ANO3: variants seen among roughly 807,000 people sequenced by gnomAD.
ANO3 encodes anoctamin-3.
In ANO3, 99 loss-of-function variants were observed where a neutral mutation model predicts 144.8. The ratio of observed to expected loss-of-function variants is 0.68; its 90% CI spans 0.58 to 0.81. The LOEUF (loss-of-function observed/expected upper bound fraction) is 0.81, where lower values mean the gene tolerates loss of function less well. Among genes scored for constraint, ANO3 ranks in the 30% least tolerant of loss-of-function variants. The probability of loss-of-function intolerance (pLI) is 0.00; values close to 1 mark genes in which losing one functional copy is unlikely to be tolerated. For synonymous variants in ANO3, 414 were observed against 392.6 expected (o/e 1.05, Z -0.64); for missense variants, 905 against 1,202.2 (o/e 0.75, Z 3.66).
At chr11:26,279,195 T>C (rs750989592) in intron 1 of ANO3, among the ~76,000 whole-genome samples, 9 of 152,102 alleles carry the variant, frequency 5.9e-5, no homozygotes, top group Non-Finnish European at 1.2e-4. Flanking sequence ...TCTCAACTAG[T>C]TCCCTTCAAG....
At chr11:26,434,812 T>C (rs1858237891) in intron 1 of ANO3, among the ~76,000 whole-genome samples, 1 of 152,198 alleles carries the variant, frequency 6.6e-6, no homozygotes, top group Non-Finnish European at 1.5e-5. Flanking sequence ...TTTTGGTTCT[T>C]ATGCATTTGC....
In ANO3 at chr11:26,525,675, G is replaced by A. The variant is rs771596676; in HGVS notation, c.733G>A (p.Gly245Ser). 2.1e-5 allele frequency: 34 copies of A among 1,608,600 alleles called. No individual in the cohort carries two copies. The highest frequency in any genetic ancestry group is 2.6e-5 in the Non-Finnish European group (31 of 1,177,670). The change falls in exon 7 of 27, where the codon GGC (glycine) becomes AGC (serine). Residue 245 changes from glycine to serine, a missense_variant. Gly to Ser is a moderately conservative substitution (Grantham distance 56). This residue lies in a region of ANO3 where 71 missense variants were observed against 57.9 expected (regional missense o/e 1.23). Coordinates refer to ENST00000256737, the MANE Select transcript of ANO3 (RefSeq NM_031418.4). ...CACTGACGGGAGGAGCAAATCAATG[G>A]GCAGGTTGGTGGGTGATGAATCATT... ...YYTDGRSKSM[G>S]RMQTYFRRIK...
chr11:26,194,649 G>C (rs1393182773), intron 1 of ANO3, among the ~76,000 whole-genome samples: 1 of 151,744 alleles, frequency 6.6e-6, no homozygotes, highest in Non-Finnish European at 1.5e-5. Flanking sequence ...TATAGCCATG[G>C]GCCACTACGC....
At chr11:26,650,529 T>C (rs1175549001) in intron 24 of ANO3, among the ~76,000 whole-genome samples, 1 of 152,198 alleles carries the variant, frequency 6.6e-6, no homozygotes, top group Non-Finnish European at 1.5e-5. Context: ...GATCCAAAAA[T>C]ATTGGTGAAT....
intron 1 of ANO3, among the ~76,000 whole-genome samples, chr11:26,407,073 T>TATATATATAC (rs1857305817): frequency 7.6e-6 from 1 of 131,362 alleles, no homozygotes; most frequent in African/African-American, 2.7e-5. Flanking sequence ...TGTGTGTGTG[T>TATATATATAC]GTGTATATAT....
At chr11:26,322,471 T>C (rs1427997263) in intron 1 of ANO3, among the ~76,000 whole-genome samples, 1 of 152,154 alleles carries the variant, frequency 6.6e-6, no homozygotes, top group Non-Finnish European at 1.5e-5. Context: ...TTACATGCAG[T>C]TGTCATGTCT....
At chr11:26,579,728 T>C (rs1851080739) in intron 14 of ANO3, among the ~76,000 whole-genome samples, 1 of 152,106 alleles carries the variant, frequency 6.6e-6, no homozygotes, top group Non-Finnish European at 1.5e-5. Flanking sequence ...CGTGGATCTT[T>C]TTTTTCATGA....
chr11:26,387,961 T>C (rs897255720), intron 1 of ANO3, among the ~76,000 whole-genome samples: 1 of 152,102 alleles, frequency 6.6e-6, no homozygotes, highest in Non-Finnish European at 1.5e-5. Context: ...TTCATTTGCT[T>C]ACCACTCACT....
At chr11:26,247,767 C>T (rs778036818) in intron 1 of ANO3, among the ~76,000 whole-genome samples, 2 of 120,806 alleles carry the variant, frequency 1.7e-5, no homozygotes, top group African/African-American at 3.1e-5. Flanking sequence ...CTCACACTGT[C>T]GTCCAGGCTG....
chr11:26,210,371 G>C (rs1242610173), intron 1 of ANO3, among the ~76,000 whole-genome samples: 1 of 152,184 alleles, frequency 6.6e-6, no homozygotes, highest in Non-Finnish European at 1.5e-5. Context: ...GTACCATCCT[G>C]TTTTGGTTAC....
At chr11:26,503,240 C>G (rs186566771) in intron 4 of ANO3, among the ~76,000 whole-genome samples, 18 of 152,152 alleles carry the variant, frequency 1.2e-4, no homozygotes, top group Admixed American at 1.1e-3. Context: ...ATCAAATGCA[C>G]TCCACATTGT....
chr11:26,621,610 C>T (rs1052465844), intron 17 of ANO3, among the ~76,000 whole-genome samples: 1 of 152,140 alleles, frequency 6.6e-6, no homozygotes, highest in African/African-American at 2.4e-5. Flanking sequence ...TATTTTCCCT[C>T]AGAGCACTTT....
chr11:26,284,650 A>C (rs1344109987), intron 1 of ANO3, among the ~76,000 whole-genome samples: 1 of 152,134 alleles, frequency 6.6e-6, no homozygotes, highest in Non-Finnish European at 1.5e-5. Context: ...CTGTAATCCC[A>C]GCAATTTGGG....
At chr11:26,232,450 A>G (rs974738386) in intron 1 of ANO3, among the ~76,000 whole-genome samples, 4 of 152,152 alleles carry the variant, frequency 2.6e-5, no homozygotes, top group Admixed American at 6.5e-5. Flanking sequence ...AAAAATGCAT[A>G]GCCCTGAACT....
chr11:26,227,423 C>T (rs958516667), intron 1 of ANO3, among the ~76,000 whole-genome samples: 6 of 152,082 alleles, frequency 3.9e-5, no homozygotes, highest in African/African-American at 1.4e-4. Flanking sequence ...TATGTAATAC[C>T]ACCATCTCTT....
upstream of ANO3, among the ~76,000 whole-genome samples, chr11:26,331,254 T>C (rs1301447361): frequency 6.6e-6 from 1 of 152,158 alleles, no homozygotes; most frequent in African/African-American, 2.4e-5. Flanking sequence ...TGGGGTGATC[T>C]GTGCAGCAAA....
intron 1 of ANO3, 40 bp from the exon 2 acceptor site, chr11:26,441,878 T>G: frequency 6.6e-7 from 1 of 1,521,600 alleles, no homozygotes; most frequent in Non-Finnish European, 9.0e-7. Context: ...CTCTACTGAT[T>G]GATTTTTTAT....
chr11:26,632,297 T>C (rs66687654), intron 18 of ANO3, among the ~76,000 whole-genome samples: 16,265 of 151,308 alleles, frequency 0.11, 1,294 homozygotes, highest in African/African-American at 0.23. Flanking sequence ...CTTGTAATCC[T>C]AGCAGTCAGG....
intron 4 of ANO3, among the ~76,000 whole-genome samples, chr11:26,466,316 T>C (rs2134063375): frequency 1.3e-5 from 2 of 152,104 alleles, no homozygotes; most frequent in Middle Eastern, 3.4e-3. Context: ...TATTTAAATA[T>C]TTCAGAGGCA....
Sources: allele counts gnomAD v4.1 joint callset (sites outside exome capture counted in the v4.1 genomes callset), GRCh38; gene constraint gnomAD v4.1.1; regional missense constraint gnomAD v4.1.1; transcripts MANE v1.5; gene names NCBI Gene and HGNC (gene_info 2026-07-23, HGNC 2026-07-21).